Variants in SIPA1L2 observed in about 807,000 individuals in gnomAD.
SIPA1L2 encodes signal induced proliferation associated 1 like 2, also known as signal-induced proliferation-associated 1-like protein 2.
SIPA1L2 carries 56 observed loss-of-function variants against 163.9 expected under a neutral mutation model. The ratio of observed to expected loss-of-function variants is 0.34; its 90% confidence interval spans 0.28 to 0.43. SIPA1L2 has a LOEUF of 0.43. SIPA1L2 is among the 20% of genes least tolerant of loss of function. The pLI, the probability that SIPA1L2 is intolerant of heterozygous loss-of-function variation, is 1.00. For synonymous variants in SIPA1L2, 877 were observed against 865.7 expected, an observed-to-expected ratio of 1.01 and a Z score of -0.23; for missense variants, 1,974 against 2,193.5, an observed-to-expected ratio of 0.90 and a Z score of 2.00.
intron 1 of SIPA1L2, among the ~76,000 whole-genome samples, chr1:232,580,498 C>A (rs1660317824): frequency 1.3e-5 from 2 of 152,140 alleles, no homozygotes; most frequent in Admixed American, 1.3e-4. Context: ...TGGAATCACT[C>A]TGGTTAAAAT....
At chr1:232,437,281 G>A (rs142863347) in intron 15 of SIPA1L2, among the ~76,000 whole-genome samples, 2 of 152,162 alleles carry the variant, frequency 1.3e-5, no homozygotes, top group East Asian at 1.9e-4. Flanking sequence ...TCTCAACTTT[G>A]AACTAGATGT....
chr1:232,432,223 G>C, intron 16 of SIPA1L2, 24 bp downstream of exon 16: 2 of 1,600,272 alleles, frequency 1.2e-6, no homozygotes, highest in Non-Finnish European at 1.7e-6. Flanking sequence ...ATGCTGACCA[G>C]AGAAGAACAG....
chr1:232,500,992 G>C lies in SIPA1L2; in HGVS notation c.1484-7332C>G, dbSNP rs114499041. ...AATGTGGAGGCAAGATCCTCCATCA[G>C]AAGAAAGGTTGACTTGCTGAAGGCT... On this transcript the variant is annotated intron_variant, in intron 3 of 22. Transcript: ENST00000674635. Among the ~76,000 whole-genome samples the C allele has an allele frequency of 3.7e-3, 558 of 148,834 alleles. 2 individuals are homozygous for C. Among genetic ancestry groups the C allele is most frequent in the Non-Finnish European group, 6.5e-3 (440 of 67,414 alleles).
At chr1:232,486,984 C>CA (rs1665676524) in intron 5 of SIPA1L2, among the ~76,000 whole-genome samples, 2 of 152,228 alleles carry the variant, frequency 1.3e-5, no homozygotes, top group African/African-American at 4.8e-5. Context: ...TCTATTGCAG[C>CA]AACCTTTATT....
intron 16 of SIPA1L2, among the ~76,000 whole-genome samples, chr1:232,431,259 A>T (rs1662222579): frequency 6.6e-6 from 1 of 152,218 alleles, no homozygotes; most frequent in South Asian, 2.1e-4. Context: ...TTTATAATAA[A>T]AAGGGCTAGT....
intron 8 of SIPA1L2, among the ~76,000 whole-genome samples, chr1:232,468,422 G>C (rs777841343): frequency 8.5e-5 from 13 of 152,168 alleles, no homozygotes; most frequent in Non-Finnish European, 1.2e-4. Flanking sequence ...GTAACTCCCG[G>C]AGTCAGGGAG....
At chr1:232,410,571 C>T (rs1208551132) in intron 19 of SIPA1L2, among the ~76,000 whole-genome samples, 2 of 151,150 alleles carry the variant, frequency 1.3e-5, no homozygotes, top group Non-Finnish European at 2.9e-5. Flanking sequence ...TACGCAAGGG[C>T]ATCATTACTC....
At chr1:232,616,691 G>C (rs61823267) in intron 1 of SIPA1L2, among the ~76,000 whole-genome samples, 28,179 of 152,212 alleles carry the variant, frequency 0.19, 3,002 homozygotes, top group Middle Eastern at 0.3. Context: ...GTGTCTCTTA[G>C]AGCAGGCAGA....
intron 18 of SIPA1L2, among the ~76,000 whole-genome samples, chr1:232,421,618 GCCATGCCAC>G (rs1463222480): frequency 6.6e-6 from 1 of 152,108 alleles, no homozygotes. Flanking sequence ...TGGATACCTT[GCCATGCCAC>G]CCTTGGCAAA....
chr1:232,580,220 T>C (rs1299989404), intron 1 of SIPA1L2, among the ~76,000 whole-genome samples: 1 of 152,172 alleles, frequency 6.6e-6, no homozygotes, highest in African/African-American at 2.4e-5. Flanking sequence ...TAAACTGTCA[T>C]GGCACTGGTG....
intron 2 of SIPA1L2, among the ~76,000 whole-genome samples, chr1:232,534,368 C>T (rs6424234): frequency 0.66 from 100,454 of 152,084 alleles, 35,327 homozygotes; most frequent in Non-Finnish European, 0.79. Flanking sequence ...CTTCAGCTAA[C>T]GGCATATACA....
chr1:232,438,897 A>T (rs1662722547), intron 15 of SIPA1L2, among the ~76,000 whole-genome samples: 1 of 152,176 alleles, frequency 6.6e-6, no homozygotes, highest in South Asian at 2.1e-4. Context: ...AGGAAAAAAA[A>T]AAAAACACCA....
chr1:232,493,830 C>T (rs988563454), intron 3 of SIPA1L2, among the ~76,000 whole-genome samples, 170 bp from the exon 4 acceptor site: 2 of 152,178 alleles, frequency 1.3e-5, no homozygotes, highest in East Asian at 3.8e-4. Flanking sequence ...TTCGGATGCA[C>T]GCCTACATCT....
chr1:232,573,502 A>C (rs946753049), intron 2 of SIPA1L2, among the ~76,000 whole-genome samples: 1 of 152,192 alleles, frequency 6.6e-6, no homozygotes, highest in Non-Finnish European at 1.5e-5. Flanking sequence ...ATGGGAATCC[A>C]TTTTTGACAA....
At chr1:232,495,928 T>G (rs928991570) in intron 3 of SIPA1L2, among the ~76,000 whole-genome samples, 2 of 152,206 alleles carry the variant, frequency 1.3e-5, no homozygotes, top group Non-Finnish European at 2.9e-5. Flanking sequence ...TGCATTAAGC[T>G]AAATGTTATT....
At chr1:232,547,742 T>C (rs960876218) in intron 2 of SIPA1L2, among the ~76,000 whole-genome samples, 6 of 152,154 alleles carry the variant, frequency 3.9e-5, no homozygotes, top group African/African-American at 7.2e-5. Context: ...AAAATTCCTA[T>C]TGATAAGTGA....
chr1:232,428,267 C>T (rs12404753), intron 17 of SIPA1L2, 144 bp downstream of exon 17: 61,756 of 632,666 alleles, frequency 0.098, 3,449 homozygotes, highest in Admixed American at 0.16. Flanking sequence ...TGGCAACGGT[C>T]AACTATGTGC....
At chr1:232,542,671 G>A (rs1025667623) in intron 2 of SIPA1L2, among the ~76,000 whole-genome samples, 25 of 152,244 alleles carry the variant, frequency 1.6e-4, no homozygotes, top group African/African-American at 6.0e-4. Flanking sequence ...AGGAACTGAG[G>A]CCAAACCCCA....
chr1:232,447,735 CTG>C (rs1663301643), intron 10 of SIPA1L2, among the ~76,000 whole-genome samples: 1 of 152,228 alleles, frequency 6.6e-6, no homozygotes, highest in Admixed American at 6.5e-5. Context: ...TATACAAATT[CTG>C]TCTTTCCAGC....
Sources: allele counts gnomAD v4.1 joint callset (sites outside exome capture counted in the v4.1 genomes callset), GRCh38; gene constraint gnomAD v4.1.1; transcripts MANE v1.5; gene names NCBI Gene and HGNC (gene_info 2026-07-23, HGNC 2026-07-21).